Variants in RRBP1 observed in about 807,000 individuals in gnomAD.
RRBP1 encodes the protein ribosome-binding protein 1.
In RRBP1, 94 loss-of-function variants were observed where a neutral mutation model predicts 165.2. That is an observed-to-expected ratio of 0.57 (90% CI 0.48 to 0.68). The LOEUF is 0.68. Among genes scored for constraint, RRBP1 ranks in the 30% least tolerant of loss-of-function variants. RRBP1 has a pLI of 0.00. For synonymous variants in RRBP1, 680 were observed against 714.5 expected, an observed-to-expected ratio of 0.95 and a Z score of 0.77; for missense variants, 1,676 against 1,763.0, an observed-to-expected ratio of 0.95 and a Z score of 0.88.
rs146194366 is a variant in RRBP1, at chr20:17,636,057, G to A, written c.2338-393C>T. On this transcript the variant is annotated intron_variant, in intron 6 of 24. Coordinates refer to ENST00000377813, the MANE Select transcript of RRBP1 (RefSeq NM_001365613.2). Reference sequence around the variant, plus strand: ...ATTCCTGCCCTCTGACCTCCAGCACGTCCTGAGACATGCAGCAGGGAGGAG... The same window carrying A: ...ATTCCTGCCCTCTGACCTCCAGCACATCCTGAGACATGCAGCAGGGAGGAG... Among the ~76,000 whole-genome samples the A allele has an allele frequency of 1.7e-4, 26 of 152,344 alleles. No homozygotes were observed. The East Asian group carries it at 3.9e-3, about 23-fold the overall frequency.
At chr20:17,645,430 C>T (rs1448835180) in intron 3 of RRBP1, among the ~76,000 whole-genome samples, 2 of 152,248 alleles carry the variant, frequency 1.3e-5, no homozygotes, top group East Asian at 1.9e-4. Context: ...AAAATGTTAA[C>T]GCTCTCCTCT....
intron 12 of RRBP1, 69 bp from the exon 13 acceptor site, chr20:17,624,737 A>T: frequency 6.9e-6 from 8 of 1,162,060 alleles, no homozygotes; most frequent in Non-Finnish European, 1.0e-5. Flanking sequence ...CTGGTGTCAG[A>T]CAGGACAGGG....
rs148373679 is a variant in RRBP1, at chr20:17,657,830, G to A, written c.1912+766C>T. 2.6e-5 allele frequency among the ~76,000 whole-genome samples: 4 copies of A among 152,296 alleles called. No individual in the cohort carries two copies. In the East Asian group the frequency reaches 5.8e-4, roughly 22 times the overall value. On this transcript the variant is annotated intron_variant, in intron 3 of 24. Transcript: ENST00000377813. Reference sequence around the variant, plus strand: ...TGCTTTACCAAATGACTAGGGTGGCGCAGGGGAAGGAGAAGGCAGAAGAGG... The same window carrying A: ...TGCTTTACCAAATGACTAGGGTGGCACAGGGGAAGGAGAAGGCAGAAGAGG...
At chr20:17,638,536 C>T (rs2036288819) in intron 5 of RRBP1, among the ~76,000 whole-genome samples, 1 of 152,340 alleles carries the variant, frequency 6.6e-6, no homozygotes, top group Non-Finnish European at 1.5e-5. Flanking sequence ...TCTTCCCCCT[C>T]TTTTGCCTCT....
chr20:17,620,284 G>T lies in RRBP1; in HGVS notation c.3579+15C>A, dbSNP rs749087369. On this transcript the variant is annotated intron_variant, in intron 18 of 24. Transcript: ENST00000377813. ...CCCGGGACAAGAGAAAGAGTTCTCT[G>T]AGCAGAGCACATACCTGGTCCGAAC... 13 of 1,599,048 alleles carry T rather than the reference G, an allele frequency of 8.1e-6. No homozygotes were observed. The Admixed American group carries it at 2.0e-4, about 25-fold the overall frequency.
chr20:17,638,717 G>A (rs1340394520), intron 5 of RRBP1, among the ~76,000 whole-genome samples: 1 of 546 alleles, frequency 1.8e-3, no homozygotes, highest in African/African-American at 6.0e-3. Context: ...TCCTGATGGT[G>A]GTGGGGGGGT....
chr20:17,674,128 C>T (rs1199045284), intron 2 of RRBP1, among the ~76,000 whole-genome samples: 1 of 152,146 alleles, frequency 6.6e-6, no homozygotes, highest in African/African-American at 2.4e-5. Context: ...AAAAACACAC[C>T]ACCTGGGTTT....
At chr20:17,672,853 T>C (rs1026465358) in intron 2 of RRBP1, among the ~76,000 whole-genome samples, 8 of 152,228 alleles carry the variant, frequency 5.3e-5, no homozygotes, top group African/African-American at 1.9e-4. Context: ...GTCTTACACG[T>C]AACGTTGAGT....
chr20:17,639,363 G>A (rs2036304823), intron 5 of RRBP1, among the ~76,000 whole-genome samples: 1 of 152,246 alleles, frequency 6.6e-6, no homozygotes, highest in Non-Finnish European at 1.5e-5. Context: ...TCCAGATCAT[G>A]CCTTCAGCAT....
chr20:17,648,825 C>T (rs745969726), intron 3 of RRBP1, among the ~76,000 whole-genome samples: 2 of 152,184 alleles, frequency 1.3e-5, no homozygotes, highest in Non-Finnish European at 2.9e-5. Context: ...CCTGGAGGAC[C>T]TCTGGGCAAG....
chr20:17,624,702 G>A (rs538036368), intron 12 of RRBP1, 34 bp from the exon 13 acceptor site: 134 of 1,442,862 alleles, frequency 9.3e-5, no homozygotes, highest in Middle Eastern at 1.9e-4. Context: ...TCAGCAGCCT[G>A]CACTGGCAGC....
At chr20:17,664,428 G>A (rs1281161790) in intron 2 of RRBP1, among the ~76,000 whole-genome samples, 3 of 152,204 alleles carry the variant, frequency 2.0e-5, no homozygotes, top group Admixed American at 6.5e-5. Flanking sequence ...TGAAACCATA[G>A]ATAAAGGGGG....
intron 13 of RRBP1, 95 bp downstream of exon 13, chr20:17,624,481 G>C: frequency 1.2e-6 from 1 of 816,836 alleles, no homozygotes; most frequent in Non-Finnish European, 2.1e-6. Context: ...GCGTCCTAGA[G>C]CATCTGGTGT....
chr20:17,625,624 A>C (rs2036002542), intron 11 of RRBP1, 22 bp from the exon 12 acceptor site: 1 of 1,604,948 alleles, frequency 6.2e-7, no homozygotes, highest in Non-Finnish European at 8.5e-7. Flanking sequence ...CAACGAGGTC[A>C]CCGCCTAGGC....
chr20:17,673,874 AAG>A (rs747535864), intron 2 of RRBP1, among the ~76,000 whole-genome samples: 11 of 152,280 alleles, frequency 7.2e-5, no homozygotes, highest in African/African-American at 1.2e-4. Flanking sequence ...TTTTTTCATT[AAG>A]AGTCTCAATA....
intron 3 of RRBP1, among the ~76,000 whole-genome samples, chr20:17,656,999 T>C (rs2036656368): frequency 6.6e-6 from 1 of 152,194 alleles, no homozygotes. Flanking sequence ...TTTCCAATAT[T>C]ATCATCACAC....
Position 17,619,608 on chromosome 20 carries a change from T to C in RRBP1, c.3675+25A>G, listed in dbSNP as rs754529565. 1.9e-6 allele frequency: 3 copies of C among 1,568,722 alleles called. No individual in the cohort carries two copies. In the African/African-American group the frequency reaches 4.0e-5, roughly 21 times the overall value. On this transcript the variant is annotated intron_variant, in intron 19 of 24. Coordinates refer to ENST00000377813, the MANE Select transcript of RRBP1 (RefSeq NM_001365613.2). ...GACCGCAGATCTGCTGGGCAGGGGC[T>C]GCACTCCTTGGGGGGCAGACTCACC...
chr20:17,652,257 C>T (rs761952754), intron 3 of RRBP1, among the ~76,000 whole-genome samples: 2 of 152,240 alleles, frequency 1.3e-5, no homozygotes, highest in African/African-American at 2.4e-5. Flanking sequence ...TAAAGGGAGC[C>T]ACTAGCCACA....
At chr20:17,640,592 A>C (rs2122354585) in intron 5 of RRBP1, among the ~76,000 whole-genome samples, 1 of 152,262 alleles carries the variant, frequency 6.6e-6, no homozygotes, top group Non-Finnish European at 1.5e-5. Flanking sequence ...AAGGGAGGCC[A>C]CGCACCGTTA....
Sources: allele counts gnomAD v4.1 joint callset (sites outside exome capture counted in the v4.1 genomes callset), GRCh38; gene constraint gnomAD v4.1.1; transcripts MANE v1.5; gene names NCBI Gene and HGNC (gene_info 2026-07-23, HGNC 2026-07-21).